Variants in KCNAB2 observed in about 807,000 individuals in gnomAD.
KCNAB2 encodes the protein voltage-gated potassium channel subunit beta-2.
Under a neutral mutation model 63.6 loss-of-function variants are expected in KCNAB2, and 29 were observed. The ratio of observed to expected loss-of-function variants is 0.46; its 90% confidence interval spans 0.34 to 0.62. KCNAB2 has a LOEUF of 0.62. Ranked by LOEUF, KCNAB2 falls within the 20% of genes least tolerant of loss-of-function variation. The pLI, the probability that KCNAB2 is intolerant of heterozygous loss-of-function variation, is 0.01. For synonymous variants in KCNAB2, 222 were observed against 224.2 expected, an observed-to-expected ratio of 0.99 and a Z score of 0.09; for missense variants, 359 against 563.9, an observed-to-expected ratio of 0.64 and a Z score of 3.68.
intron 2 of KCNAB2, among the ~76,000 whole-genome samples, chr1:6,072,166 C>T (rs1378227285): frequency 4.6e-5 from 7 of 152,204 alleles, no homozygotes; most frequent in Admixed American, 2.0e-4. Context: ...AGGAGGCCTA[C>T]GCTGCCAGGC....
intron 15 of KCNAB2, chr1:6,098,216 G>A (rs1463850670): frequency 8.3e-7 from 1 of 1,200,328 alleles, no homozygotes; most frequent in Non-Finnish European, 1.0e-6. Flanking sequence ...TCCATTTTAT[G>A]TCACTGCTGC....
rs1241739868 is a variant in KCNAB2, at chr1:6,022,994, T to C, written c.-52-17523T>C. Among the ~76,000 whole-genome samples, 3 of 151,352 alleles carry C rather than the reference T, an allele frequency of 2.0e-5. No homozygotes were observed. The East Asian group carries it at 5.9e-4, about 30-fold the overall frequency. ...GCCTCCTGGGTTCAAGTGATTCTCATGCCTCAGCCTCCTGAGCAGCTGGGA... is the reference window on the plus strand; with the variant it reads ...GCCTCCTGGGTTCAAGTGATTCTCACGCCTCAGCCTCCTGAGCAGCTGGGA... On this transcript the variant is annotated intron_variant, in intron 1 of 16. Coordinates refer to the KCNAB2 transcript ENST00000341524.
chr1:6,070,279 G>C (rs1266961062), intron 2 of KCNAB2, among the ~76,000 whole-genome samples: 1 of 152,206 alleles, frequency 6.6e-6, no homozygotes. Flanking sequence ...AAGCAGCTGA[G>C]AGGCACTGAT....
upstream of KCNAB2, among the ~76,000 whole-genome samples, chr1:6,042,848 C>CCT (rs1553122360): frequency 1.9e-5 from 2 of 106,898 alleles, no homozygotes; most frequent in African/African-American, 7.5e-5. Flanking sequence ...TCCCCACCCC[C>CCT]CCCCCCGTTT....
chr1:6,041,544 C>G, upstream of KCNAB2: 1 of 484,420 alleles, frequency 2.1e-6, no homozygotes, highest in East Asian at 3.7e-5. Flanking sequence ...AACCCTCACT[C>G]GGAGGTTCAC....
At chr1:6,032,328 C>T (rs1432501999), upstream of KCNAB2, among the ~76,000 whole-genome samples, 1 of 152,064 alleles carries the variant, frequency 6.6e-6, no homozygotes. Flanking sequence ...CACCTGTAAT[C>T]CCAGCACTTT....
At chr1:6,022,370 G>A (rs1294060772) in intron 1 of KCNAB2, among the ~76,000 whole-genome samples, 1 of 149,946 alleles carries the variant, frequency 6.7e-6, no homozygotes, top group Admixed American at 6.6e-5. Flanking sequence ...TGGTATTAAG[G>A]ATACAGCTAG....
At chr1:6,088,541 C>G (rs1664896350) in intron 7 of KCNAB2, among the ~76,000 whole-genome samples, 2 of 151,872 alleles carry the variant, frequency 1.3e-5, no homozygotes, top group South Asian at 4.2e-4. Flanking sequence ...AGCCACCACG[C>G]CTGGCATTAA....
chr1:6,055,192 G>A (rs116601895), intron 2 of KCNAB2, among the ~76,000 whole-genome samples: 14 of 152,240 alleles, frequency 9.2e-5, no homozygotes, highest in Admixed American at 3.3e-4. Flanking sequence ...AATGGCAGCC[G>A]CAGGGAACTA....
chr1:6,047,435 T>C (rs1661019965), intron 1 of KCNAB2, among the ~76,000 whole-genome samples: 2 of 152,124 alleles, frequency 1.3e-5, no homozygotes, highest in South Asian at 4.1e-4. Context: ...CCTATCCTTC[T>C]TCCCCTGGGG....
At chr1:6,060,279 C>T (rs1418256436) in intron 2 of KCNAB2, among the ~76,000 whole-genome samples, 1 of 152,240 alleles carries the variant, frequency 6.6e-6, no homozygotes, top group Non-Finnish European at 1.5e-5. Flanking sequence ...GCCTTGAACA[C>T]GGGTGGCTCA....
intron 15 of KCNAB2, chr1:6,098,087 C>G (rs11586626): frequency 1.1e-6 from 1 of 885,674 alleles, no homozygotes; most frequent in Non-Finnish European, 1.4e-6. Flanking sequence ...GGTGAGAAGG[C>G]GAGGTGGAAG....
upstream of KCNAB2, among the ~76,000 whole-genome samples, chr1:6,030,664 T>TAG (rs35310819): frequency 6.6e-6 from 1 of 151,572 alleles, no homozygotes; most frequent in Non-Finnish European, 1.5e-5. Flanking sequence ...TGTACGTGTA[T>TAG]GGGGTGTGTG....
chr1:6,084,857 G>A (rs1664556634), intron 5 of KCNAB2, among the ~76,000 whole-genome samples: 1 of 152,048 alleles, frequency 6.6e-6, no homozygotes, highest in Non-Finnish European at 1.5e-5. Flanking sequence ...CCCACCTAAT[G>A]TTGCCAGGCA....
intron 2 of KCNAB2, among the ~76,000 whole-genome samples, chr1:6,063,409 A>ATTT (rs34378538): frequency 1.5e-5 from 2 of 137,732 alleles, no homozygotes; most frequent in Non-Finnish European, 1.6e-5. Flanking sequence ...TGTGCCAGTA[A>ATTT]TTTTTTTTTT....
intron 10 of KCNAB2, among the ~76,000 whole-genome samples, chr1:6,092,416 G>C (rs547782326): frequency 1.3e-5 from 2 of 152,268 alleles, no homozygotes; most frequent in African/African-American, 4.8e-5. Context: ...GCAGCATGCG[G>C]TTTCACTGGC....
At chr1:6,007,109 G>A (rs941785748) in intron 1 of KCNAB2, among the ~76,000 whole-genome samples, 1 of 152,134 alleles carries the variant, frequency 6.6e-6, no homozygotes, top group Non-Finnish European at 1.5e-5. Flanking sequence ...CCTCTCCGAG[G>A]CTGCCATAGA....
rs1356189921 is a variant in KCNAB2, at chr1:6,069,785, A to G, written c.219-2970A>G. Among the ~76,000 whole-genome samples the G allele has an allele frequency of 3.9e-5, 6 of 152,206 alleles. No homozygotes were observed. The highest frequency in any genetic ancestry group is 1.4e-4 in the African/African-American group (6 of 41,460). On this transcript the variant is annotated intron_variant, in intron 2 of 15. Transcript: ENST00000378083. This position sits in a 1 kb window ranked among gnomAD's most constrained non-coding sequence, Gnocchi z 5.4. ...CCCGAGGCCTGGCAGCGGATGGCAG[A>G]ACCAATACCATCATTTTCACAGGGA...
chr1:6,090,586 C>T (rs1359380197), intron 9 of KCNAB2, 111 bp downstream of exon 9: 11 of 770,924 alleles, frequency 1.4e-5, no homozygotes, highest in Middle Eastern at 3.7e-4. Context: ...CCGGGTGAGC[C>T]GTGAGAGGAG....
Sources: allele counts gnomAD v4.1 joint callset (sites outside exome capture counted in the v4.1 genomes callset), GRCh38; gene constraint gnomAD v4.1.1; non-coding constraint Gnocchi (gnomAD v3.1); transcripts MANE v1.5; gene names NCBI Gene and HGNC (gene_info 2026-07-23, HGNC 2026-07-21).